The following GALNT10 variants were observed in gnomAD, a reference collection of about 807,000 sequenced individuals.
GALNT10 encodes GalNAc transferase 10.
In GALNT10, 41 loss-of-function variants were observed where a neutral mutation model predicts 75.0. That is an observed-to-expected ratio of 0.55 (90% CI 0.43 to 0.71). The LOEUF is 0.71. Ranked by LOEUF, GALNT10 falls within the 30% of genes least tolerant of loss-of-function variation. The probability of loss-of-function intolerance (pLI) is 0.00; values close to 1 mark genes in which losing one functional copy is unlikely to be tolerated. For missense variants in GALNT10, 727 were observed against 818.5 expected, an observed-to-expected ratio of 0.89 and a Z score of 1.36; for synonymous variants, 302 against 313.0, an observed-to-expected ratio of 0.96 and a Z score of 0.37.
chr5:154,217,572 G>C (rs1277323809), intron 1 of GALNT10, among the ~76,000 whole-genome samples: 2 of 152,210 alleles, frequency 1.3e-5, no homozygotes, highest in African/African-American at 2.4e-5. Context: ...GAGATGGAGA[G>C]AGTTCCAGCT....
rs1371188603 is a variant in GALNT10 at position 154,329,735 on chromosome 5, C to A, written c.565C>A (p.Arg189=). 9.9e-6 allele frequency: 16 copies of A among 1,611,870 alleles called. No homozygotes were observed. Among genetic ancestry groups the A allele is most frequent in the East Asian group, 4.5e-5 (2 of 44,858 alleles). Residue 189 remains arginine (R), a synonymous_variant, in exon 4 of 12, where the codon CGA becomes AGA. Coordinates refer to ENST00000297107, the MANE Select transcript of GALNT10 (RefSeq NM_198321.4). The stretch of plus-strand genomic sequence containing the variant: ...TGTACTGGTCGACGACTTCAGTGAT[C>A]GAGGTAGGATCCGTCCCACCCAGCC... The part of the protein sequence containing the change: ...EIVLVDDFSD[R]EHLKKPLEDY...
At chr5:154,196,288 G>A (rs538458115) in intron 1 of GALNT10, among the ~76,000 whole-genome samples, 1 of 152,328 alleles carries the variant, frequency 6.6e-6, no homozygotes, top group African/African-American at 2.4e-5. Flanking sequence ...GACAAGAGTA[G>A]AGGAATTAAA....
At chr5:154,217,528 T>C (rs1752892995) in intron 1 of GALNT10, among the ~76,000 whole-genome samples, 1 of 152,196 alleles carries the variant, frequency 6.6e-6, no homozygotes, top group Non-Finnish European at 1.5e-5. Context: ...TAGTACCGCG[T>C]CCCTGTCTCG....
intron 4 of GALNT10, among the ~76,000 whole-genome samples, chr5:154,360,558 A>G (rs1254093699): frequency 6.6e-6 from 1 of 152,190 alleles, no homozygotes; most frequent in Non-Finnish European, 1.5e-5. Context: ...AACCACTTAT[A>G]TAATACAGCA....
At chr5:154,342,989 G>A (rs540913720) in intron 4 of GALNT10, among the ~76,000 whole-genome samples, 1 of 152,128 alleles carries the variant, frequency 6.6e-6, no homozygotes, top group Admixed American at 6.5e-5. Flanking sequence ...CAGTTGCCAC[G>A]TGTGTTTTAT....
Position 154,417,928 on chromosome 5 carries a change from G to C in GALNT10, c.*956G>C, listed in dbSNP as rs1756548435. 6.6e-6 allele frequency: 1 copy of C among 152,188 alleles called. No individual in the cohort carries two copies. The highest frequency in any genetic ancestry group is 6.5e-5 in the Admixed American group (1 of 15,272). 9.4% of individuals were successfully genotyped at this position (152,188 alleles called of 1,614,324 possible). The stretch of plus-strand genomic sequence containing the variant: ...CGAGGTGCTCACCTCACAGAGTCTG[G>C]AGGCCTCCAGGATCAACTGTGGGCA... On this transcript the variant is annotated 3_prime_UTR_variant, in exon 12 of 12. Coordinates refer to ENST00000297107, the MANE Select transcript of GALNT10 (RefSeq NM_198321.4).
At chr5:154,279,448 C>T (rs1279893678) in intron 1 of GALNT10, among the ~76,000 whole-genome samples, 1 of 151,758 alleles carries the variant, frequency 6.6e-6, no homozygotes, top group Non-Finnish European at 1.5e-5. Context: ...GGAGTACAGG[C>T]ATGCACCACC....
intron 2 of GALNT10, among the ~76,000 whole-genome samples, chr5:154,297,449 C>G (rs906704922): frequency 7.9e-5 from 12 of 152,310 alleles, no homozygotes; most frequent in Admixed American, 2.6e-4. Context: ...AAAAAGCTTT[C>G]AAATAGGCAA....
intron 3 of GALNT10, among the ~76,000 whole-genome samples, chr5:154,313,499 G>T (rs1345395000): frequency 2.0e-5 from 3 of 152,090 alleles, no homozygotes; most frequent in African/African-American, 7.2e-5. Flanking sequence ...ATACTGCTGA[G>T]GTTTATAATT....
chr5:154,220,172 A>G, intron 1 of GALNT10: 1 of 152,186 alleles, frequency 6.6e-6, no homozygotes, highest in East Asian at 1.9e-4. Flanking sequence ...TGTTTTGGAA[A>G]TGATTTTTAG....
chr5:154,252,300 T>C (rs1753535300), intron 1 of GALNT10, among the ~76,000 whole-genome samples: 1 of 152,128 alleles, frequency 6.6e-6, no homozygotes, highest in Non-Finnish European at 1.5e-5. Flanking sequence ...TCAGTTTGTA[T>C]GTTGATGTTT....
intron 1 of GALNT10, among the ~76,000 whole-genome samples, chr5:154,264,998 A>G (rs949161086): frequency 6.6e-6 from 1 of 152,162 alleles, no homozygotes; most frequent in African/African-American, 2.4e-5. Context: ...TCATTCTAGG[A>G]TCATTCCAGG....
intron 4 of GALNT10, among the ~76,000 whole-genome samples, chr5:154,367,295 G>C (rs1359089829): frequency 1.3e-5 from 2 of 152,200 alleles, no homozygotes; most frequent in African/African-American, 4.8e-5. Flanking sequence ...GCATCTGTGT[G>C]GAAACCAGTT....
At chr5:154,272,609 C>A (rs1753883712) in intron 1 of GALNT10, among the ~76,000 whole-genome samples, 1 of 152,196 alleles carries the variant, frequency 6.6e-6, no homozygotes, top group African/African-American at 2.4e-5. Flanking sequence ...TTGAGCAAAT[C>A]CCTCCTGAAC....
intron 1 of GALNT10, among the ~76,000 whole-genome samples, chr5:154,246,465 C>T (rs1753425730): frequency 6.6e-6 from 1 of 152,236 alleles, no homozygotes; most frequent in Non-Finnish European, 1.5e-5. Context: ...TCCTCTCCAG[C>T]ACCTGTTGTT....
chr5:154,236,769 G>A (rs1581932478), intron 1 of GALNT10, among the ~76,000 whole-genome samples: 1 of 152,164 alleles, frequency 6.6e-6, no homozygotes. Context: ...TTTAGAAAAT[G>A]TACCCTGGAA....
chr5:154,356,707 A>G (rs1234109562), intron 4 of GALNT10, among the ~76,000 whole-genome samples: 3 of 152,220 alleles, frequency 2.0e-5, no homozygotes, highest in Non-Finnish European at 4.4e-5. Flanking sequence ...CCAGGGCTCC[A>G]GGGTGTACAG....
chr5:154,381,992 T>C (rs2113180051), intron 6 of GALNT10, among the ~76,000 whole-genome samples: 1 of 152,230 alleles, frequency 6.6e-6, no homozygotes, highest in East Asian at 1.9e-4. Context: ...TAAGGTAACA[T>C]ATTCACAGGT....
At chr5:154,356,377 T>C (rs1755299023) in intron 4 of GALNT10, 1 of 351,664 alleles carries the variant, frequency 2.8e-6, no homozygotes, top group Non-Finnish European at 5.6e-6. Flanking sequence ...GGGCTGGGGG[T>C]TGGGTATGAG....
Sources: gnomAD v4.1 joint callset for allele counts (sites outside exome capture counted in the v4.1 genomes callset) on GRCh38, gnomAD v4.1.1 for gene constraint, MANE v1.5 for transcripts, NCBI Gene and HGNC (gene_info 2026-07-23, HGNC 2026-07-21) for gene names.